SRD5A2: variants seen among roughly 807,000 people sequenced by gnomAD.
The protein encoded by SRD5A2 is steroid 5 alpha-reductase 2.
Under a neutral mutation model 27.4 loss-of-function variants are expected in SRD5A2, and 30 were observed. That is an observed-to-expected ratio of 1.10 (90% confidence interval 0.82 to 1.49). The LOEUF is 1.49. Ranked by LOEUF, SRD5A2 falls within the 40% of genes most tolerant of loss-of-function variation. The pLI is 0.00. For missense variants in SRD5A2, 348 were observed against 323.4 expected, an observed-to-expected ratio of 1.08 and a Z score of -0.58; for synonymous variants, 141 against 133.6, an observed-to-expected ratio of 1.06 and a Z score of -0.38.
chr2:31,562,218 T>A (rs1666638238), intron 1 of SRD5A2, among the ~76,000 whole-genome samples: 1 of 151,944 alleles, frequency 6.6e-6, no homozygotes, highest in Admixed American at 6.6e-5. Flanking sequence ...TTTACAGGTC[T>A]TTTTTTTCCT....
chr2:31,548,460 C>A (rs1278596143), intron 1 of SRD5A2, among the ~76,000 whole-genome samples: 2 of 152,032 alleles, frequency 1.3e-5, no homozygotes, highest in Non-Finnish European at 2.9e-5. Context: ...ATGCAAATGG[C>A]CCATAAGAAC....
intron 1 of SRD5A2, among the ~76,000 whole-genome samples, chr2:31,551,079 T>C (rs1231749094): frequency 6.6e-6 from 1 of 152,062 alleles, no homozygotes; most frequent in African/African-American, 2.4e-5. Context: ...ATGTTGACAC[T>C]GAAATTTAAA....
At chr2:31,583,853 G>A (rs533019124), upstream of SRD5A2, among the ~76,000 whole-genome samples, 54 of 152,134 alleles carry the variant, frequency 3.5e-4, 3 homozygotes, top group South Asian at 0.01. Context: ...AGAAGACACA[G>A]CACACCACCC....
chr2:31,542,247 T>C (rs1186314645), intron 1 of SRD5A2, among the ~76,000 whole-genome samples: 1 of 152,212 alleles, frequency 6.6e-6, no homozygotes. Context: ...CATGCCTGTA[T>C]CAAAATACTT....
At chr2:31,527,318 T>G (rs909532925) in intron 4 of SRD5A2, among the ~76,000 whole-genome samples, 2 of 152,160 alleles carry the variant, frequency 1.3e-5, no homozygotes, top group Non-Finnish European at 2.9e-5. Flanking sequence ...TACCTTAGTT[T>G]GAATTAGGGG....
intron 1 of SRD5A2, among the ~76,000 whole-genome samples, chr2:31,563,996 A>G (rs1207112029): frequency 6.6e-6 from 1 of 152,096 alleles, no homozygotes; most frequent in Non-Finnish European, 1.5e-5. Context: ...TAGAAACACA[A>G]AAATATCCAA....
At chr2:31,546,439 A>C (rs1666262052) in intron 1 of SRD5A2, among the ~76,000 whole-genome samples, 1 of 152,226 alleles carries the variant, frequency 6.6e-6, no homozygotes, top group African/African-American at 2.4e-5. Flanking sequence ...TTACATATAC[A>C]TCTTGGAATA....
chr2:31,532,380 C>A (rs1485121451), intron 2 of SRD5A2, among the ~76,000 whole-genome samples: 2 of 151,848 alleles, frequency 1.3e-5, no homozygotes, highest in African/African-American at 2.4e-5. Flanking sequence ...CACACACACA[C>A]ACACACACAC....
At chr2:31,588,166 G>A in the SRD5A2 span, among the ~76,000 whole-genome samples, 1 of 152,082 alleles carries the variant, frequency 6.6e-6, no homozygotes. Context: ...GGTCTAAAGA[G>A]GACATAGAGA....
At chr2:31,572,253 C>T (rs1165863109) in intron 1 of SRD5A2, among the ~76,000 whole-genome samples, 1 of 152,112 alleles carries the variant, frequency 6.6e-6, no homozygotes, top group Non-Finnish European at 1.5e-5. Flanking sequence ...GGGAGCTAAA[C>T]ACCAAGTACA....
At chr2:31,573,753 C>T (rs1478655218) in intron 1 of SRD5A2, among the ~76,000 whole-genome samples, 1 of 152,154 alleles carries the variant, frequency 6.6e-6, no homozygotes, top group Non-Finnish European at 1.5e-5. Context: ...AGCCCTTCTG[C>T]TGTCTTTTCA....
At chr2:31,623,612 G>C in the SRD5A2 span, among the ~76,000 whole-genome samples, 2 of 151,930 alleles carry the variant, frequency 1.3e-5, no homozygotes, top group East Asian at 3.9e-4. Context: ...GTTGACCTTT[G>C]AATCAGGATT....
chr2:31,622,940 T>A, the SRD5A2 span, among the ~76,000 whole-genome samples: 2 of 152,010 alleles, frequency 1.3e-5, no homozygotes, highest in Non-Finnish European at 1.5e-5. Context: ...TCCTGAGGCA[T>A]CCACTTATCA....
the SRD5A2 span, among the ~76,000 whole-genome samples, chr2:31,589,777 T>C: frequency 6.6e-6 from 1 of 151,944 alleles, no homozygotes; most frequent in Non-Finnish European, 1.5e-5. Context: ...GCACATACAA[T>C]TGCAGAAGCT....
At chr2:31,563,670 ATTTTCCTCAAGTATTAGCAGAGTG>A (rs1436666900) in intron 1 of SRD5A2, among the ~76,000 whole-genome samples, 1 of 152,112 alleles carries the variant, frequency 6.6e-6, no homozygotes, top group Non-Finnish European at 1.5e-5. Context: ...CCTGCAGAGA[ATTTTCCTCAAGTATTAGCAGAGTG>A]TTAATTCATG....
chr2:31,526,664 G>A (rs1410002039), intron 4 of SRD5A2, among the ~76,000 whole-genome samples: 6 of 152,194 alleles, frequency 3.9e-5, no homozygotes, highest in African/African-American at 1.4e-4. Context: ...TATGGGCAAA[G>A]AGAACCAGCA....
chr2:31,563,686 A>G (rs1025147970), intron 1 of SRD5A2, among the ~76,000 whole-genome samples: 1 of 152,150 alleles, frequency 6.6e-6, no homozygotes, highest in African/African-American at 2.4e-5. Flanking sequence ...CTCAAGTATT[A>G]GCAGAGTGTT....
intron 1 of SRD5A2, among the ~76,000 whole-genome samples, chr2:31,555,065 A>C (rs530136121): frequency 2.6e-5 from 4 of 152,038 alleles, no homozygotes; most frequent in African/African-American, 9.6e-5. Context: ...AAGAGGCAGC[A>C]GAGATGGAAT....
At chr2:31,600,655 T>C in the SRD5A2 span, among the ~76,000 whole-genome samples, 1 of 151,870 alleles carries the variant, frequency 6.6e-6, no homozygotes, top group South Asian at 2.1e-4. Context: ...CTAATACCAG[T>C]CCTACTCAAA....
Sources: allele counts gnomAD v4.1 joint callset (sites outside exome capture counted in the v4.1 genomes callset), GRCh38; gene constraint gnomAD v4.1.1; transcripts MANE v1.5; gene names NCBI Gene and HGNC (gene_info 2026-07-23, HGNC 2026-07-21).